The following GRID1 variants were observed in gnomAD, a reference collection of about 807,000 sequenced individuals.
GRID1 encodes the protein glutamate ionotropic receptor delta type subunit 1.
In GRID1, 28 loss-of-function variants were observed where a neutral mutation model predicts 98.0. That is an observed-to-expected ratio of 0.29 (90% CI 0.21 to 0.39). The LOEUF (loss-of-function observed/expected upper bound fraction) is 0.39. Among genes scored for constraint, GRID1 ranks in the 10% least tolerant of loss-of-function variants. The probability of loss-of-function intolerance (pLI) is 1.00; values close to 1 mark genes in which losing one functional copy is unlikely to be tolerated. For synonymous variants in GRID1, 553 were observed against 538.5 expected (o/e 1.03, Z -0.37); for missense variants, 1,111 against 1,340.5 (o/e 0.83, Z 2.67).
At chr10:85,909,680 A>T (rs1841509906) in intron 5 of GRID1, among the ~76,000 whole-genome samples, 1 of 152,202 alleles carries the variant, frequency 6.6e-6, no homozygotes, top group South Asian at 2.1e-4. Flanking sequence ...CCATAATTCC[A>T]CTTACATAAA....
intron 8 of GRID1, among the ~76,000 whole-genome samples, chr10:85,783,721 G>A (rs1167952319): frequency 6.6e-6 from 1 of 152,174 alleles, no homozygotes; most frequent in Non-Finnish European, 1.5e-5. Context: ...GTCTGCTTCA[G>A]TGCACAGACA....
intron 8 of GRID1, among the ~76,000 whole-genome samples, chr10:85,845,204 A>G (rs1842995054): frequency 6.6e-6 from 1 of 152,130 alleles, no homozygotes; most frequent in East Asian, 1.9e-4. Context: ...AATAATCTAA[A>G]CTAGCAAATA....
chr10:85,815,382 A>G (rs750607549), intron 8 of GRID1, among the ~76,000 whole-genome samples: 25 of 152,092 alleles, frequency 1.6e-4, no homozygotes, highest in Non-Finnish European at 2.9e-4. Flanking sequence ...TCATATTGGA[A>G]GGCATGTAAT....
At chr10:86,265,631 C>T (rs1410260968) in intron 2 of GRID1, among the ~76,000 whole-genome samples, 1 of 152,190 alleles carries the variant, frequency 6.6e-6, no homozygotes, top group East Asian at 1.9e-4. Flanking sequence ...GCTCTTGCAG[C>T]CATAGAGGTT....
At chr10:85,746,408 T>C (rs1035844019) in intron 8 of GRID1, among the ~76,000 whole-genome samples, 8 of 152,198 alleles carry the variant, frequency 5.3e-5, no homozygotes, top group African/African-American at 1.9e-4. Flanking sequence ...TTCTAGAAAG[T>C]GACCTTGTCG....
rs77084346 is a variant in GRID1, at chr10:86,125,626, A to G, written c.726+13193T>C. On this transcript the variant is annotated intron_variant, in intron 4 of 15. Coordinates refer to ENST00000327946, the MANE Select transcript of GRID1 (RefSeq NM_017551.3). Reference sequence around the variant, plus strand: ...ACTGTGAGGCTCCACTTACCTGTGGATTTTTTTCAATCAATGTTTCACTGA... The same window carrying G: ...ACTGTGAGGCTCCACTTACCTGTGGGTTTTTTTCAATCAATGTTTCACTGA... 5.1e-3 allele frequency among the ~76,000 whole-genome samples: 776 copies of G among 152,246 alleles called. 21 individuals carry two copies. The East Asian group carries it at 0.078, about 15-fold the overall frequency.
chr10:86,036,022 C>T lies in GRID1; in HGVS notation c.726+102797G>A, dbSNP rs577718993. Among the ~76,000 whole-genome samples, 4 of 152,210 alleles carry T rather than the reference C, an allele frequency of 2.6e-5. No individual in the cohort carries two copies. In the South Asian group the frequency reaches 6.2e-4, roughly 24 times the overall value. ...AAGGCAGGGCTGTGAGGGCACATCG[C>T]CAAATGCATTACAATCAGTTAGGAA... On this transcript the variant is annotated intron_variant, in intron 4 of 15. Coordinates refer to ENST00000327946, the MANE Select transcript of GRID1 (RefSeq NM_017551.3).
At chr10:86,224,051 C>G (rs1274486350) in intron 2 of GRID1, among the ~76,000 whole-genome samples, 1 of 152,200 alleles carries the variant, frequency 6.6e-6, no homozygotes, top group Non-Finnish European at 1.5e-5. Context: ...TTCCAAGTCA[C>G]ATGAAAGAAG....
intron 2 of GRID1, among the ~76,000 whole-genome samples, chr10:86,341,996 C>A (rs1203866221): frequency 6.6e-6 from 1 of 152,130 alleles, no homozygotes; most frequent in Non-Finnish European, 1.5e-5. Context: ...GGGAGCAAGT[C>A]CTGAGCTTGA....
intron 4 of GRID1, among the ~76,000 whole-genome samples, chr10:86,082,534 C>T (rs1047534442): frequency 1.3e-5 from 2 of 152,142 alleles, no homozygotes; most frequent in Non-Finnish European, 2.9e-5. Context: ...CTAACTGGTC[C>T]CTCAGACTCC....
chr10:85,767,128 C>G (rs538181103), intron 8 of GRID1, among the ~76,000 whole-genome samples: 49 of 152,280 alleles, frequency 3.2e-4, no homozygotes, highest in African/African-American at 1.2e-3. Flanking sequence ...AACTCGAGAT[C>G]AGGAGAAGCT....
intron 13 of GRID1, among the ~76,000 whole-genome samples, chr10:85,643,313 G>A (rs1295155525): frequency 6.6e-6 from 1 of 152,010 alleles, no homozygotes; most frequent in African/African-American, 2.4e-5. Flanking sequence ...ACTCTGTTTG[G>A]GATTTGGAGA....
intron 3 of GRID1, among the ~76,000 whole-genome samples, chr10:86,196,846 T>C (rs1214822429): frequency 6.6e-6 from 1 of 151,628 alleles, no homozygotes; most frequent in Admixed American, 6.5e-5. Context: ...TTGCACATAC[T>C]TGGACTCCAT....
intron 2 of GRID1, among the ~76,000 whole-genome samples, chr10:86,346,993 G>T (rs868673815): frequency 6.6e-6 from 1 of 152,100 alleles, no homozygotes; most frequent in African/African-American, 2.4e-5. Flanking sequence ...CTGCGTGAAC[G>T]CTGAGCACAG....
intron 4 of GRID1, among the ~76,000 whole-genome samples, chr10:86,086,506 A>G (rs1295025487): frequency 6.6e-6 from 1 of 152,176 alleles, no homozygotes; most frequent in Non-Finnish European, 1.5e-5. Flanking sequence ...CCACCATCAC[A>G]CAGATAGTCA....
chr10:86,243,507 A>C (rs1846670457), intron 2 of GRID1, among the ~76,000 whole-genome samples: 1 of 152,192 alleles, frequency 6.6e-6, no homozygotes, highest in South Asian at 2.1e-4. Flanking sequence ...TGAGCTAGAC[A>C]ACCCCACTTA....
chr10:85,942,662 G>A (rs897786927), intron 4 of GRID1, among the ~76,000 whole-genome samples: 2 of 152,176 alleles, frequency 1.3e-5, no homozygotes, highest in Admixed American at 1.3e-4. Context: ...GCCTTGGAAT[G>A]GAGACTATGC....
chr10:85,989,370 C>T (rs1744654276), intron 4 of GRID1, among the ~76,000 whole-genome samples: 1 of 152,180 alleles, frequency 6.6e-6, no homozygotes, highest in South Asian at 2.1e-4. Context: ...ACAGAGGGGT[C>T]CACAGCAGGG....
At chr10:85,953,332 T>C (rs1345258100) in intron 4 of GRID1, among the ~76,000 whole-genome samples, 2 of 151,912 alleles carry the variant, frequency 1.3e-5, no homozygotes, top group Admixed American at 6.6e-5. Flanking sequence ...TGAGAACACA[T>C]AGAAGGGAAC....
Sources: gnomAD v4.1 joint callset for allele counts (sites outside exome capture counted in the v4.1 genomes callset) on GRCh38, gnomAD v4.1.1 for gene constraint, MANE v1.5 for transcripts, NCBI Gene and HGNC (gene_info 2026-07-23, HGNC 2026-07-21) for gene names.